Variants in KCNMB1 observed in about 807,000 individuals in gnomAD.
KCNMB1 encodes potassium calcium-activated channel subfamily M regulatory beta subunit 1, also known as calcium-activated potassium channel subunit beta-1.
A neutral mutation model predicts 21.7 loss-of-function variants in KCNMB1; 22 were observed. The ratio of observed to expected loss-of-function variants is 1.01; its 90% confidence interval spans 0.72 to 1.45. The LOEUF (loss-of-function observed/expected upper bound fraction) is 1.45, where lower values mean the gene tolerates loss of function less well. KCNMB1 is among the 40% of genes most tolerant of loss of function. The probability of loss-of-function intolerance (pLI) is 0.00; values close to 1 mark genes in which losing one functional copy is unlikely to be tolerated. For synonymous variants in KCNMB1, 114 were observed against 107.6 expected (o/e 1.06, Z -0.37); for missense variants, 243 against 243.4 (o/e 1.00, Z 0.01).
Position 170,378,884 on chromosome 5 carries a change from G to T in KCNMB1, c.396C>A (p.Val132=), listed in dbSNP as rs1362740586. Residue 132 remains valine, a synonymous_variant, in exon 4 of 4, where the codon GTC becomes GTA. Coordinates refer to ENST00000274629, the MANE Select transcript of KCNMB1 (RefSeq NM_004137.4). ...KVRAKFQEQQ[V]FYCFSAPRGN... ...CCCGAGGTGCGGAGAAGCAGTAGAA[G>T]ACCTGCTGCTCTTGGAATTTGGCTC... is the stretch of plus-strand genomic sequence containing the variant. 6.2e-7 allele frequency: 1 copy of T among 1,614,234 alleles called. No homozygotes were observed. Among genetic ancestry groups the T allele is most frequent in the Admixed American group, 1.7e-5 (1 of 60,026 alleles).
intron 3 of KCNMB1, among the ~76,000 whole-genome samples, chr5:170,381,128 G>A (rs1382324164): frequency 3.5e-4 from 54 of 152,196 alleles, no homozygotes; most frequent in Non-Finnish European, 1.2e-4. Context: ...TCCTCTGCCT[G>A]CTCAGGGTTC....
intron 3 of KCNMB1, among the ~76,000 whole-genome samples, chr5:170,381,832 A>C (rs562467137): frequency 2.3e-4 from 35 of 152,274 alleles, no homozygotes; most frequent in Non-Finnish European, 8.8e-5. Flanking sequence ...CATTGGGATA[A>C]ATCAAGGGCT....
At chr5:170,382,127 G>A (rs994948948) in intron 3 of KCNMB1, among the ~76,000 whole-genome samples, 4 of 152,146 alleles carry the variant, frequency 2.6e-5, no homozygotes, top group African/African-American at 9.7e-5. Context: ...AGTGCTTGCT[G>A]CGGCCTTGGC....
Position 170,374,705 on chromosome 5 carries a change from G to A in KCNMB1, c.*3999C>T, listed in dbSNP as rs574001252. On this transcript the variant is annotated 3_prime_UTR_variant, in exon 4 of 4. Transcript: ENST00000274629. ...GAGTGGTTTATTAAGAACTGATGAA[G>A]GTTCTCTGCTCCCAGGCAGATATTA... The A allele has an allele frequency of 2.0e-5, 3 of 152,256 alleles. No individual in the cohort carries two copies. The highest frequency in any genetic ancestry group is 4.2e-4 in the South Asian group (2 of 4,816). The allele number at this position is 152,256 out of a possible 1,614,324, so 9.4% of individuals were successfully genotyped here.
In KCNMB1 at chr5:170,376,004, G is replaced by C. The variant is rs1379974334; in HGVS notation, c.*2700C>G. The C allele has an allele frequency of 6.6e-6, 1 of 152,166 alleles. No homozygotes were observed. Among genetic ancestry groups the C allele is most frequent in the Admixed American group, 6.5e-5 (1 of 15,278 alleles). 9.4% of individuals were successfully genotyped at this position (152,166 alleles called of 1,614,324 possible). On this transcript the variant is annotated 3_prime_UTR_variant, in exon 4 of 4. Transcript: ENST00000274629. ...TGTCCTCTGTTGCTTCTCATCATCT[G>C]TGAGGCAGGTTCAGGAGTATCTCAT...
At chr5:170,385,186 G>A (rs1220197270) in intron 2 of KCNMB1, 128 bp downstream of exon 2, 5 of 1,004,718 alleles carry the variant, frequency 5.0e-6, no homozygotes, top group Admixed American at 2.0e-5. Flanking sequence ...CTAAGAATGA[G>A]CATCGTCTTG....
At chr5:170,382,018 T>G (rs754069079) in intron 3 of KCNMB1, among the ~76,000 whole-genome samples, 5 of 151,952 alleles carry the variant, frequency 3.3e-5, no homozygotes, top group Non-Finnish European at 5.9e-5. Context: ...TCCCCCAGCC[T>G]CCACGCCCCA....
intron 3 of KCNMB1, among the ~76,000 whole-genome samples, chr5:170,380,121 C>T (rs1174734241): frequency 2.0e-5 from 3 of 152,236 alleles, no homozygotes; most frequent in Non-Finnish European, 2.9e-5. Context: ...GCATGACACA[C>T]ATTTAATTCT....
In KCNMB1 at chr5:170,384,626, G is replaced by A. The variant is rs947668216; in HGVS notation, c.134+688C>T. ...AGTCAGAAGGGGGCTGTCAGCTGCT[G>A]GAACGTGCCCAGAGCACAGGTCTGA... On this transcript the variant is annotated intron_variant, in intron 2 of 3. Transcript: ENST00000274629. Among the ~76,000 whole-genome samples the A allele has an allele frequency of 3.3e-5, 5 of 152,208 alleles. No homozygotes were observed. In the East Asian group the frequency reaches 7.7e-4, roughly 23 times the overall value.
In KCNMB1 at chr5:170,385,340, C is replaced by G. The variant is rs765682588; in HGVS notation, c.108G>C (p.Thr36=). ...TTTTCTGGTAGAGGGGCAGCACAGT[C>G]GTGACCAGGATGTAGTAGGTGATGA... ...CAVITYYILV[T]TVLPLYQKSV... The change falls in exon 2 of 4, where the codon ACG becomes ACC. Residue 36 remains threonine (T), a synonymous_variant. Coordinates refer to ENST00000274629, the MANE Select transcript of KCNMB1 (RefSeq NM_004137.4). 1.2e-6 allele frequency: 2 copies of G among 1,614,066 alleles called. No homozygotes were observed. The highest frequency in any genetic ancestry group is 1.3e-5 in the African/African-American group (1 of 75,010).
chr5:170,379,223 C>T (rs1764140511), intron 3 of KCNMB1, among the ~76,000 whole-genome samples: 1 of 152,116 alleles, frequency 6.6e-6, no homozygotes, highest in African/African-American at 2.4e-5. Flanking sequence ...GCAGGTCCTA[C>T]CTTGGAGTCC....
chr5:170,383,772 C>A lies in KCNMB1; in HGVS notation c.213G>T (p.Val71=). ...TGACCCACAGGCATGGGTACTGGGG[C>A]ACCTTCTTGCCCTTCAGCTCCTCCT... ...RDQEELKGKK[V]PQYPCLWVNV... is the part of the protein sequence containing the mutation. Residue 71 remains valine, a synonymous_variant, in exon 3 of 4, where the codon GTG becomes GTT. Transcript: ENST00000274629. 1 of 1,614,116 alleles carries A rather than the reference C, an allele frequency of 6.2e-7. No homozygotes were observed. Among genetic ancestry groups the A allele is most frequent in the Non-Finnish European group, 8.5e-7 (1 of 1,179,990 alleles).
At chr5:170,380,888 T>G (rs2113333381) in intron 3 of KCNMB1, among the ~76,000 whole-genome samples, 1 of 152,278 alleles carries the variant, frequency 6.6e-6, no homozygotes, top group Non-Finnish European at 1.5e-5. Context: ...TGAGGCTACC[T>G]GCCTAGGAGA....
At position 170,375,338 on chromosome 5, in the gene KCNMB1, T is replaced by C. The variant is rs1253220355; in HGVS notation, c.*3366A>G. ...AAATTCCAGGGAATGATGAGCTGCC[T>C]GCCTTTGGAAGGAAGGTCCACCAGG... On this transcript the variant is annotated 3_prime_UTR_variant, in exon 4 of 4. Transcript: ENST00000274629. The C allele has an allele frequency of 6.6e-6, 1 of 152,246 alleles. No individual in the cohort carries two copies. The highest frequency in any genetic ancestry group is 1.9e-4 in the East Asian group (1 of 5,198). The allele number at this position is 152,246 out of a possible 1,614,324, so 9.4% of individuals were successfully genotyped here. A position where few individuals can be genotyped will look rare whatever the true frequency, so the allele number is the denominator to read the frequency against.
At chr5:170,382,554 A>T (rs1561595621) in intron 3 of KCNMB1, 1 of 151,636 alleles carries the variant, frequency 6.6e-6, no homozygotes, top group Non-Finnish European at 1.5e-5. Context: ...TCCCTCCGCC[A>T]TGCCTCGTCC....
Position 170,378,030 on chromosome 5 carries a change from G to A in KCNMB1, c.*674C>T, listed in dbSNP as rs887466729. 1 of 151,894 alleles carries A rather than the reference G, an allele frequency of 6.6e-6. No individual in the cohort carries two copies. The highest frequency in any genetic ancestry group is 2.1e-4 in the South Asian group (1 of 4,816). 9.4% of individuals were successfully genotyped at this position (151,894 alleles called of 1,614,324 possible). ...ATGGCTTTTCTGATTAAAAGCAAAC[G>A]AAACACACCCTTCCTATAATCAAAA... On this transcript the variant is annotated 3_prime_UTR_variant, in exon 4 of 4. Coordinates refer to ENST00000274629, the MANE Select transcript of KCNMB1 (RefSeq NM_004137.4).
intron 3 of KCNMB1, among the ~76,000 whole-genome samples, chr5:170,381,065 G>A (rs1165219600): frequency 4.6e-5 from 7 of 152,184 alleles, no homozygotes; most frequent in Admixed American, 1.3e-4. Context: ...TTAAAAAGAG[G>A]TCTATGGATG....
intron 1 of KCNMB1, among the ~76,000 whole-genome samples, chr5:170,388,061 C>T (rs114332931): frequency 0.026 from 3,940 of 152,318 alleles, 107 homozygotes; most frequent in East Asian, 0.11. Flanking sequence ...TGCTATTTGG[C>T]TTCTAGTGCC....
chr5:170,383,959 G>T, intron 2 of KCNMB1, 109 bp from the exon 3 acceptor site: 1 of 1,146,932 alleles, frequency 8.7e-7, no homozygotes, highest in Non-Finnish European at 1.2e-6. Flanking sequence ...ATCCAGGACT[G>T]GGATCCTCAT....
Sources: gnomAD v4.1 joint callset for allele counts (sites outside exome capture counted in the v4.1 genomes callset) on GRCh38, gnomAD v4.1.1 for gene constraint, MANE v1.5 for transcripts, NCBI Gene and HGNC (gene_info 2026-07-23, HGNC 2026-07-21) for gene names.